RPL26L1: variants seen among roughly 807,000 people sequenced by gnomAD.
RPL26L1 encodes ribosomal protein L26 like 1.
RPL26L1 carries 8 observed loss-of-function variants against 15.2 expected under a neutral mutation model. The observed-to-expected ratio is 0.53, with a 90% CI of 0.31 to 0.95. The LOEUF (loss-of-function observed/expected upper bound fraction) is 0.95. RPL26L1 is among the 40% of genes least tolerant of loss of function. The pLI, the probability that RPL26L1 is intolerant of heterozygous loss-of-function variation, is 0.05. For missense variants in RPL26L1, 146 were observed against 190.9 expected (o/e 0.76, Z 1.39); for synonymous variants, 51 against 65.9 (o/e 0.77, Z 1.09).
chr5:172,966,230 A>G (rs908047676), intron 2 of RPL26L1, among the ~76,000 whole-genome samples: 1 of 150,294 alleles, frequency 6.7e-6, no homozygotes, highest in African/African-American at 2.4e-5. Context: ...TGCAGACTCA[A>G]CCTCCTGGGT....
chr5:172,967,860 CAT>C (rs765328420), intron 2 of RPL26L1, among the ~76,000 whole-genome samples: 2 of 151,316 alleles, frequency 1.3e-5, no homozygotes, highest in Non-Finnish European at 2.9e-5. Flanking sequence ...CATATAAGTA[CAT>C]ATGTGTATGT....
chr5:172,962,473 A>C (rs914592785), intron 2 of RPL26L1, among the ~76,000 whole-genome samples: 1 of 151,402 alleles, frequency 6.6e-6, no homozygotes, highest in African/African-American at 2.4e-5. Context: ...GTGCCATTGC[A>C]CTCCAGCCTG....
At chr5:172,962,468 A>G (rs990086455) in intron 2 of RPL26L1, among the ~76,000 whole-genome samples, 2 of 151,536 alleles carry the variant, frequency 1.3e-5, no homozygotes, top group African/African-American at 4.9e-5. Context: ...AGATTGTGCC[A>G]TTGCACTCCA....
Position 172,969,603 on chromosome 5 carries a change from C to A in RPL26L1, c.*62C>A. The A allele has an allele frequency of 1.3e-6, 2 of 1,515,528 alleles. No homozygotes were observed. The highest frequency in any genetic ancestry group is 2.3e-5 in the East Asian group (1 of 43,304). The allele number at this position is 1,515,528 out of a possible 1,614,324, so 93.9% of individuals were successfully genotyped here. On this transcript the variant is annotated 3_prime_UTR_variant, in exon 4 of 4. Coordinates refer to ENST00000265100, the MANE Select transcript of RPL26L1 (RefSeq NM_016093.4). The stretch of plus-strand genomic sequence containing the variant: ...TTTTGAGGCTAGGGTGTGTTTCTTT[C>A]GAACTTTTCGGAATGTCTGGAACAT...
At chr5:172,955,603 G>A (rs1424427576), upstream of RPL26L1, 1 of 153,618 alleles carries the variant, frequency 6.5e-6, no homozygotes, top group Admixed American at 6.4e-5. Context: ...GAGTGGGGAT[G>A]TGTGTGGACA....
upstream of RPL26L1, chr5:172,958,584 C>T: frequency 2.7e-6 from 1 of 365,788 alleles, no homozygotes; most frequent in Non-Finnish European, 5.7e-6. Context: ...CGCCACGGTG[C>T]CCACGGAGGG....
chr5:172,961,611 T>C (rs536307668), intron 2 of RPL26L1, among the ~76,000 whole-genome samples: 1 of 152,372 alleles, frequency 6.6e-6, no homozygotes, highest in Non-Finnish European at 1.5e-5. Context: ...GTCTATTCCC[T>C]GTCCCCACTA....
chr5:172,966,235 C>T (rs1341665758), intron 2 of RPL26L1, among the ~76,000 whole-genome samples: 1 of 151,010 alleles, frequency 6.6e-6, no homozygotes, highest in Non-Finnish European at 1.5e-5. Flanking sequence ...ACTCAACCTC[C>T]TGGGTTCAAG....
chr5:172,955,009 G>C (rs1313121687), upstream of RPL26L1: 1 of 456,180 alleles, frequency 2.2e-6, no homozygotes, highest in South Asian at 1.5e-5. Context: ...GCTTCGTGAG[G>C]AGAGAAGCTG....
At chr5:172,955,515 CCTT>C (rs1310165702), upstream of RPL26L1, 2 of 154,630 alleles carry the variant, frequency 1.3e-5, no homozygotes, top group Non-Finnish European at 2.9e-5. Flanking sequence ...GGTCTCAATC[CCTT>C]CTTAAGAAAC....
Position 172,967,149 on chromosome 5 carries a change from C to T in RPL26L1, c.169-1310C>T, listed in dbSNP as rs549682608. 3.1e-4 allele frequency among the ~76,000 whole-genome samples: 47 copies of T among 151,672 alleles called. 1 individual carries two copies. In the South Asian group the frequency reaches 7.5e-3, roughly 24 times the overall value. ...GATTACAGGTGTGAACCACCGTGCC[C>T]GGCCCCCATGCATGGTGTTTAATAA... is the stretch of plus-strand genomic sequence containing the variant. On this transcript the variant is annotated intron_variant, in intron 2 of 3. Transcript: ENST00000265100.
chr5:172,968,465 C>G lies in RPL26L1; in HGVS notation c.175C>G (p.Arg59Gly). 6.2e-7 allele frequency: 1 copy of G among 1,613,580 alleles called. No individual in the cohort carries two copies. Among genetic ancestry groups the G allele is most frequent in the Non-Finnish European group, 8.5e-7 (1 of 1,179,840 alleles). The stretch of plus-strand genomic sequence containing the variant: ...CTTTTGTATTTTCTCTTAGGTAGTT[C>G]GAGGACACTACAAAGGTCAGCAAAT... ...IRKDDEVQVV[R>G]GHYKGQQIGK... Residue 59 changes from arginine (R) to glycine (G), a missense_variant, in exon 3 of 4, where the codon CGA becomes GGA. Physicochemically the swap from Arg to Gly is moderately radical, Grantham distance 125. Coordinates refer to ENST00000265100, the MANE Select transcript of RPL26L1 (RefSeq NM_016093.4).
chr5:172,964,378 C>T (rs1214208889), intron 2 of RPL26L1, among the ~76,000 whole-genome samples: 9 of 149,134 alleles, frequency 6.0e-5, no homozygotes, highest in African/African-American at 2.0e-4. Flanking sequence ...CTCTGCCTCC[C>T]GGGTTCAAGC....
rs571993360 is a variant in RPL26L1 at position 172,961,643 on chromosome 5, G to A, written c.168+1602G>A. 2.4e-4 allele frequency among the ~76,000 whole-genome samples: 36 copies of A among 152,244 alleles called. No homozygotes were observed. In the South Asian group the frequency reaches 6.0e-3, roughly 25 times the overall value. On this transcript the variant is annotated intron_variant, in intron 2 of 3. Coordinates refer to ENST00000265100, the MANE Select transcript of RPL26L1 (RefSeq NM_016093.4). ...ACTACATTATAGAACCTACTTTGAC[G>A]TAGATCACTAATAATCCCTTCGTGA...
chr5:172,960,091 C>G, intron 2 of RPL26L1, 50 bp downstream of exon 2: 1 of 1,604,960 alleles, frequency 6.2e-7, no homozygotes, highest in Non-Finnish European at 8.5e-7. Flanking sequence ...TGCCTAAGAA[C>G]GTCATGCGTG....
chr5:172,957,192 G>A (rs937163649), upstream of RPL26L1: 30 of 456,086 alleles, frequency 6.6e-5, no homozygotes, highest in Non-Finnish European at 1.2e-4. Context: ...GAGTTCCTGC[G>A]CATGTTTCCA....
At chr5:172,968,263 G>A (rs999852692) in intron 2 of RPL26L1, among the ~76,000 whole-genome samples, 196 bp from the exon 3 acceptor site, 2 of 151,900 alleles carry the variant, frequency 1.3e-5, no homozygotes, top group Non-Finnish European at 2.9e-5. Context: ...ATTTCTGTGG[G>A]ATCCAGGTAA....
chr5:172,955,272 G>A, upstream of RPL26L1: 1 of 301,298 alleles, frequency 3.3e-6, no homozygotes, highest in Non-Finnish European at 6.5e-6. Flanking sequence ...GAGATTACAG[G>A]CGCCCACCAC....
chr5:172,954,286 G>A (rs1237752849), upstream of RPL26L1, among the ~76,000 whole-genome samples: 2 of 152,126 alleles, frequency 1.3e-5, no homozygotes, highest in African/African-American at 2.4e-5. Context: ...AAAGATTTGG[G>A]AGGCCGGACG....
Sources: gnomAD v4.1 joint callset for allele counts (sites outside exome capture counted in the v4.1 genomes callset) on GRCh38, gnomAD v4.1.1 for gene constraint, MANE v1.5 for transcripts, NCBI Gene and HGNC (gene_info 2026-07-23, HGNC 2026-07-21) for gene names.